The following RIC1 variants were observed in gnomAD, a reference collection of about 807,000 sequenced individuals.
RIC1 encodes guanine nucleotide exchange factor subunit RIC1.
A neutral mutation model predicts 169.0 loss-of-function variants in RIC1; 88 were observed. That is an observed-to-expected ratio of 0.52 (90% confidence interval 0.44 to 0.62). The LOEUF is 0.62. Among genes scored for constraint, RIC1 ranks in the 20% least tolerant of loss-of-function variants. RIC1 has a pLI of 0.00. For missense variants in RIC1, 1,877 were observed against 1,725.5 expected, an observed-to-expected ratio of 1.09 and a Z score of -1.56; for synonymous variants, 790 against 601.5, an observed-to-expected ratio of 1.31 and a Z score of -4.59.
At chr9:5,694,612 G>T (rs897215767) in intron 3 of RIC1, among the ~76,000 whole-genome samples, 1 of 152,176 alleles carries the variant, frequency 6.6e-6, no homozygotes, top group Non-Finnish European at 1.5e-5. Context: ...ATTGGCAACA[G>T]TGTTATTATA....
intron 1 of RIC1, among the ~76,000 whole-genome samples, chr9:5,648,700 G>T (rs1184954778): frequency 6.6e-6 from 1 of 151,900 alleles, no homozygotes; most frequent in Non-Finnish European, 1.5e-5. Context: ...TTTAATAATT[G>T]CTATTCTAAC....
At chr9:5,714,441 G>A (rs1004334048) in intron 4 of RIC1, among the ~76,000 whole-genome samples, 1 of 152,140 alleles carries the variant, frequency 6.6e-6, no homozygotes, top group Non-Finnish European at 1.5e-5. Context: ...TGACAAAGTG[G>A]CCAGAAATAC....
chr9:5,742,879 T>C lies in RIC1; in HGVS notation c.912T>C (p.Asn304=). 1.2e-6 allele frequency: 2 copies of C among 1,611,658 alleles called. No homozygotes were observed. The highest frequency in any genetic ancestry group is 1.7e-6 in the Non-Finnish European group (2 of 1,178,644). The change falls in exon 9 of 26, where the codon AAT becomes AAC. Residue 304 remains asparagine, a synonymous_variant. Coordinates refer to ENST00000414202, the MANE Select transcript of RIC1 (RefSeq NM_020829.4). ...ACTATTTCCTAACAGACATTTGGAA[T>C]AAAACAGGAGCTGTTAAATTGATGA... ...LTAKQYPDIW[N]KTGAVKLMRW... is the part of the protein sequence containing the mutation.
chr9:5,690,138 C>G (rs1383704766), intron 3 of RIC1, 100 bp downstream of exon 3: 1 of 687,036 alleles, frequency 1.5e-6, no homozygotes, highest in East Asian at 3.1e-5. Context: ...TAGAATAAAA[C>G]TAAACCAGCA....
At chr9:5,633,660 T>C (rs1010550182) in intron 1 of RIC1, among the ~76,000 whole-genome samples, 2 of 152,162 alleles carry the variant, frequency 1.3e-5, no homozygotes, top group African/African-American at 2.4e-5. Context: ...ACCCTGTGAG[T>C]TGATAATCAC....
chr9:5,768,813 C>T (rs577613303), intron 21 of RIC1, among the ~76,000 whole-genome samples, 157 bp from the exon 22 acceptor site: 13 of 152,142 alleles, frequency 8.5e-5, no homozygotes, highest in South Asian at 2.1e-4. Context: ...TGGTGTAACA[C>T]GGAGGAGAAG....
At position 5,713,976 on chromosome 9, in the gene RIC1, T is replaced by C. The variant is rs1173779792; in HGVS notation, c.413T>C (p.Ile138Thr). 1.2e-6 allele frequency: 2 copies of C among 1,612,354 alleles called. No homozygotes were observed. The highest frequency in any genetic ancestry group is 8.5e-7 in the Non-Finnish European group (1 of 1,178,946). ...APALNLEMRK[I>T]LDLQAPIMSL... is the part of the protein sequence containing the mutation. ...GCATTAAATTTGGAGATGAGGAAAA[T>C]ACTGGATTTACAAGCACCCATCATG... Residue 138 changes from isoleucine (I) to threonine (T), a missense_variant, in exon 4 of 26, where the codon ATA becomes ACA. This residue lies in a region of RIC1 where 1,104 missense variants were observed against 992.0 expected (regional missense o/e 1.11). Coordinates refer to ENST00000414202, the MANE Select transcript of RIC1 (RefSeq NM_020829.4).
Position 5,763,841 on chromosome 9 carries a change from A to G in RIC1, c.2814A>G (p.Thr938=). The change falls in exon 19 of 26, where the codon ACA becomes ACG. Residue 938 remains threonine (T), a synonymous_variant. Coordinates refer to ENST00000414202, the MANE Select transcript of RIC1 (RefSeq NM_020829.4). The surrounding 1 kb of genome is among the most constrained non-coding windows in gnomAD (Gnocchi z 5.2). ...GTTTGATGGCTCAGGATTTGGACAC[A>G]GCTGCCTCTTACCTTATTATCTTAC... ...EECLMAQDLD[T]AASYLIILQN... The G allele has an allele frequency of 6.2e-7, 1 of 1,613,872 alleles. No individual in the cohort carries two copies. Among genetic ancestry groups the G allele is most frequent in the Non-Finnish European group, 8.5e-7 (1 of 1,179,776 alleles).
chr9:5,777,427 G>A (rs1003760729), downstream of RIC1, among the ~76,000 whole-genome samples: 1 of 151,346 alleles, frequency 6.6e-6, no homozygotes, highest in Non-Finnish European at 1.5e-5. Context: ...AAATTGAGTG[G>A]TGAGAATACA....
chr9:5,630,141 T>G (rs1255477128), intron 1 of RIC1, among the ~76,000 whole-genome samples: 1 of 152,180 alleles, frequency 6.6e-6, no homozygotes, highest in Non-Finnish European at 1.5e-5. Context: ...CTGGAAATAA[T>G]AAGGCTTGGG....
chr9:5,712,951 A>G (rs1823022120), intron 3 of RIC1: 1 of 152,220 alleles, frequency 6.6e-6, no homozygotes, highest in South Asian at 2.1e-4. Context: ...AAACTTTATA[A>G]GAAAAATAGT....
At chr9:5,749,318 C>T (rs1334413567) in intron 12 of RIC1, among the ~76,000 whole-genome samples, 3 of 152,200 alleles carry the variant, frequency 2.0e-5, no homozygotes, top group Admixed American at 2.0e-4. Flanking sequence ...GGCACTCCAG[C>T]TACATGATTC....
intron 6 of RIC1, among the ~76,000 whole-genome samples, chr9:5,723,471 T>C (rs1201181534): frequency 6.6e-6 from 1 of 152,234 alleles, no homozygotes; most frequent in Admixed American, 6.5e-5. Flanking sequence ...CTTTGTCAGA[T>C]GGGTAGATGG....
chr9:5,656,192 A>G (rs1033892743), intron 1 of RIC1, among the ~76,000 whole-genome samples: 8 of 152,118 alleles, frequency 5.3e-5, no homozygotes, highest in African/African-American at 1.7e-4. Context: ...TTCATGTAAT[A>G]TCCTTTTCTG....
At position 5,747,458 on chromosome 9, in the gene RIC1, C is replaced by CAGGGATTAAA; in HGVS notation, c.1414_1415insAAGGGATTAA (p.Ser472LysfsTer34). ...ATTTGCAGATGGAGGTTTAGAGTCT[C>CAGGGATTAAA]AGGGATTAAGCACTTTACTTGGACA... On this transcript the variant is annotated frameshift_variant, in exon 12 of 26. Coordinates refer to ENST00000414202, the MANE Select transcript of RIC1 (RefSeq NM_020829.4). LOFTEE classifies it high-confidence loss of function. 1 of 1,614,080 alleles carries CAGGGATTAAA rather than the reference C, an allele frequency of 6.2e-7. No individual in the cohort carries two copies. Among genetic ancestry groups the CAGGGATTAAA allele is most frequent in the Non-Finnish European group, 8.5e-7 (1 of 1,179,944 alleles).
chr9:5,757,718 T>A (rs527533199), intron 17 of RIC1, among the ~76,000 whole-genome samples: 1 of 152,224 alleles, frequency 6.6e-6, no homozygotes, highest in Non-Finnish European at 1.5e-5. Flanking sequence ...AAACCTGTTA[T>A]AGTCTGAACA....
chr9:5,646,939 G>A (rs1235507787), intron 1 of RIC1, among the ~76,000 whole-genome samples: 1 of 152,094 alleles, frequency 6.6e-6, no homozygotes, highest in Non-Finnish European at 1.5e-5. Context: ...TTTATAGGGT[G>A]AGGTCTTCTG....
intron 21 of RIC1, among the ~76,000 whole-genome samples, chr9:5,766,243 T>C (rs1826735921): frequency 6.6e-6 from 1 of 152,156 alleles, no homozygotes; most frequent in East Asian, 1.9e-4. Context: ...GGTTTCAACA[T>C]GTTGCCCAGG....
At chr9:5,700,225 AGTTT>A in intron 3 of RIC1, among the ~76,000 whole-genome samples, 1 of 152,120 alleles carries the variant, frequency 6.6e-6, no homozygotes, top group East Asian at 1.9e-4. Flanking sequence ...AAATTTTGTT[AGTTT>A]GTTTTTGTTA....
Sources: allele counts gnomAD v4.1 joint callset (sites outside exome capture counted in the v4.1 genomes callset), GRCh38; gene constraint gnomAD v4.1.1; regional missense constraint gnomAD v4.1.1; non-coding constraint Gnocchi (gnomAD v3.1); transcripts MANE v1.5; gene names NCBI Gene and HGNC (gene_info 2026-07-23, HGNC 2026-07-21).